Variants in ACBD5 observed in about 807,000 individuals in gnomAD.
ACBD5 encodes acyl-CoA-binding domain-containing protein 5.
ACBD5 carries 40 observed loss-of-function variants against 71.8 expected under a neutral mutation model. That is an observed-to-expected ratio of 0.56 (90% CI 0.43 to 0.72). ACBD5 has a LOEUF of 0.72. ACBD5 is among the 30% of genes least tolerant of loss of function. The probability of loss-of-function intolerance (pLI) is 0.00; values close to 1 mark genes in which losing one functional copy is unlikely to be tolerated. For missense variants in ACBD5, 559 were observed against 644.5 expected, an observed-to-expected ratio of 0.87 and a Z score of 1.44; for synonymous variants, 229 against 218.6, an observed-to-expected ratio of 1.05 and a Z score of -0.42.
intron 4 of ACBD5, among the ~76,000 whole-genome samples, chr10:27,229,022 A>G (rs2063514447): frequency 6.7e-6 from 1 of 148,920 alleles, no homozygotes; most frequent in African/African-American, 2.4e-5. Flanking sequence ...GGGTTTCGCC[A>G]TGTTGGCCAG....
chr10:27,207,274 C>CA (rs1216768879), intron 10 of ACBD5, among the ~76,000 whole-genome samples: 76 of 122,578 alleles, frequency 6.2e-4, no homozygotes, highest in South Asian at 1.1e-3. Flanking sequence ...GACTCCATCT[C>CA]AAAAAAAAAC....
At chr10:27,216,869 G>A (rs779228701) in intron 7 of ACBD5, among the ~76,000 whole-genome samples, 1 of 152,068 alleles carries the variant, frequency 6.6e-6, no homozygotes, top group Non-Finnish European at 1.5e-5. Flanking sequence ...TTTCTTGGCC[G>A]GGCACTGTGG....
intron 13 of ACBD5, among the ~76,000 whole-genome samples, chr10:27,188,496 T>C (rs1040680065): frequency 1.3e-5 from 2 of 152,182 alleles, no homozygotes; most frequent in African/African-American, 4.8e-5. Flanking sequence ...ACAGAGTAGA[T>C]TGAGGAACAA....
chr10:27,194,335 G>C (rs530570141), downstream of ACBD5, among the ~76,000 whole-genome samples: 29 of 151,668 alleles, frequency 1.9e-4, no homozygotes, highest in African/African-American at 6.5e-4. Flanking sequence ...TTAGGGCTGG[G>C]TGCGGTGACT....
rs1340778609 is a variant in ACBD5, at chr10:27,197,437, A to G, written c.1571T>C (p.Leu524Pro). The part of the protein sequence containing the change: ...YLYYQRRRRK[L>P]N ...AGGAAAACACCATTTTCCTCAGTTC[A>G]GTTTTCTTTAAAAAGAAAATAAAAA... The change falls in exon 13 of 13, where the codon CTG becomes CCG. Residue 524 changes from leucine (L) to proline (P), a missense_variant. Leu to Pro is a moderately conservative substitution (Grantham distance 98). Transcript: ENST00000396271. 13 of 1,608,018 alleles carry G rather than the reference A, an allele frequency of 8.1e-6. No homozygotes were observed. Among genetic ancestry groups the G allele is most frequent in the Non-Finnish European group, 1.1e-5 (13 of 1,176,186 alleles).
At chr10:27,202,387 T>C (rs531211061) in intron 12 of ACBD5, among the ~76,000 whole-genome samples, 1 of 152,262 alleles carries the variant, frequency 6.6e-6, no homozygotes, top group African/African-American at 2.4e-5. Flanking sequence ...AGTAAAAAAC[T>C]TATAAAGGTT....
At chr10:27,233,668 T>C (rs975897149) in intron 3 of ACBD5, among the ~76,000 whole-genome samples, 1 of 150,356 alleles carries the variant, frequency 6.7e-6, no homozygotes, top group Non-Finnish European at 1.5e-5. Context: ...CAGTGAGCCA[T>C]GATGGTGCCA....
At chr10:27,190,806 T>C (rs897104274), downstream of ACBD5, among the ~76,000 whole-genome samples, 4 of 152,144 alleles carry the variant, frequency 2.6e-5, no homozygotes, top group East Asian at 3.8e-4. Context: ...ATTCAAGACA[T>C]ATTTTAGAGG....
At chr10:27,195,103 T>C (rs2059270900), downstream of ACBD5, 4 of 283,162 alleles carry the variant, frequency 1.4e-5, no homozygotes, top group South Asian at 3.4e-5. Context: ...TTGTGTGGAA[T>C]AGCATGGCTT....
intron 8 of ACBD5, among the ~76,000 whole-genome samples, chr10:27,212,178 G>A (rs562873581): frequency 2.0e-5 from 3 of 152,270 alleles, no homozygotes; most frequent in African/African-American, 7.2e-5. Flanking sequence ...ACGAGACCCC[G>A]TCTTTACTAA....
At chr10:27,188,664 A>G (rs2058919792) in intron 13 of ACBD5, among the ~76,000 whole-genome samples, 1 of 152,240 alleles carries the variant, frequency 6.6e-6, no homozygotes, top group African/African-American at 2.4e-5. Context: ...ATGTGAAGCT[A>G]TAGTCACTTG....
chr10:27,184,467 A>G (rs1313445985), intron 13 of ACBD5, among the ~76,000 whole-genome samples: 1 of 150,388 alleles, frequency 6.6e-6, no homozygotes, highest in Non-Finnish European at 1.5e-5. Flanking sequence ...GAGTCCTTGT[A>G]GTATTATTTC....
chr10:27,224,308 T>C (rs1284537541), intron 4 of ACBD5, among the ~76,000 whole-genome samples: 2 of 151,754 alleles, frequency 1.3e-5, no homozygotes, highest in Non-Finnish European at 1.5e-5. Flanking sequence ...GCCCAGGAAA[T>C]TGAGGCTGCA....
intron 4 of ACBD5, among the ~76,000 whole-genome samples, chr10:27,226,394 A>C (rs1283152255): frequency 1.3e-5 from 2 of 151,468 alleles, no homozygotes; most frequent in Non-Finnish European, 2.9e-5. Context: ...TATCTCCCTG[A>C]CACCAATATT....
chr10:27,196,380 T>C lies in ACBD5; in HGVS notation c.*1050A>G, dbSNP rs1383705664. 2.2e-6 allele frequency: 1 copy of C among 454,288 alleles called. No individual in the cohort carries two copies. Among genetic ancestry groups the C allele is most frequent in the South Asian group, 1.6e-5 (1 of 64,470 alleles). The allele number at this position is 454,288 out of a possible 1,614,324, so 28.1% of individuals were successfully genotyped here. A position where few individuals can be genotyped will look rare whatever the true frequency, so the allele number is the denominator to read the frequency against. On this transcript the variant is annotated 3_prime_UTR_variant, in exon 13 of 13. Transcript: ENST00000396271. ...AAGAGGGACTTAAATTTCTGTTAGCTGGGCATGCCTTATTCCTATGGAAGC... is the reference window on the plus strand; with the variant it reads ...AAGAGGGACTTAAATTTCTGTTAGCCGGGCATGCCTTATTCCTATGGAAGC...
At chr10:27,234,787 C>G (rs1051457884) in intron 3 of ACBD5, among the ~76,000 whole-genome samples, 1 of 152,124 alleles carries the variant, frequency 6.6e-6, no homozygotes, top group Non-Finnish European at 1.5e-5. Flanking sequence ...CAAAAATTAG[C>G]TGGGTGTGGT....
At chr10:27,220,002 G>T in intron 5 of ACBD5, 145 bp from the exon 6 acceptor site, 1 of 557,570 alleles carries the variant, frequency 1.8e-6, no homozygotes, top group Non-Finnish European at 2.6e-6. Context: ...TATTTTCTTT[G>T]ACTATAAACA....
At chr10:27,183,787 G>A (rs929158789) in intron 13 of ACBD5, among the ~76,000 whole-genome samples, 8 of 151,744 alleles carry the variant, frequency 5.3e-5, no homozygotes, top group East Asian at 1.9e-4. Context: ...GCACAATCTC[G>A]GCTCACTGCA....
chr10:27,204,595 T>C lies in ACBD5; in HGVS notation c.1456-46A>G, dbSNP rs764293072. The C allele has an allele frequency of 2.2e-6, 3 of 1,357,804 alleles. No individual in the cohort carries two copies. In the African/African-American group the frequency reaches 4.3e-5, roughly 19 times the overall value. 84.1% of individuals were successfully genotyped at this position (1,357,804 alleles called of 1,614,324 possible). On this transcript the variant is annotated intron_variant, in intron 11 of 12. Transcript: ENST00000396271. ...TGTCACCAATCTATTCAATACTGCA[T>C]GTATAAACTTAAAAACATACCTAAT...
Sources: gnomAD v4.1 joint callset for allele counts (sites outside exome capture counted in the v4.1 genomes callset) on GRCh38, gnomAD v4.1.1 for gene constraint, MANE v1.5 for transcripts, NCBI Gene and HGNC (gene_info 2026-07-23, HGNC 2026-07-21) for gene names.